The following TFAP2B variants were observed in gnomAD, a reference collection of about 807,000 sequenced individuals.
The protein encoded by TFAP2B is transcription factor AP-2 beta.
TFAP2B carries 9 observed loss-of-function variants against 44.3 expected under a neutral mutation model. That is an observed-to-expected ratio of 0.20 (90% CI 0.12 to 0.35). The LOEUF (loss-of-function observed/expected upper bound fraction) is 0.35, where lower values mean the gene tolerates loss of function less well. Among genes scored for constraint, TFAP2B ranks in the 10% least tolerant of loss-of-function variants. TFAP2B has a pLI of 1.00. For missense variants in TFAP2B, 509 were observed against 600.0 expected (o/e 0.85, Z 1.59); for synonymous variants, 270 against 263.8 (o/e 1.02, Z -0.23).
chr6:50,836,344 T>C, intron 4 of TFAP2B, 64 bp downstream of exon 4: 4 of 1,391,050 alleles, frequency 2.9e-6, no homozygotes, highest in Non-Finnish European at 3.0e-6. Context: ...CCAGTTTTTA[T>C]TTATTGGACA....
intron 3 of TFAP2B, among the ~76,000 whole-genome samples, chr6:50,830,102 C>T (rs552729592): frequency 3.9e-5 from 6 of 152,212 alleles, no homozygotes; most frequent in Non-Finnish European, 8.8e-5. Context: ...TCTCCTCTTT[C>T]GGTTAATTGC....
chr6:50,840,088 G>A, intron 5 of TFAP2B, 68 bp from the exon 6 acceptor site: 2 of 1,598,846 alleles, frequency 1.3e-6, no homozygotes, highest in South Asian at 1.1e-5. Context: ...GCTGACAAGG[G>A]AATGTCTCCG....
At chr6:50,826,337 T>C (rs1581813336) in intron 2 of TFAP2B, among the ~76,000 whole-genome samples, 2 of 152,256 alleles carry the variant, frequency 1.3e-5, no homozygotes, top group East Asian at 3.9e-4. Flanking sequence ...CTGCCCTGCC[T>C]ATGGGTCGAG....
intron 1 of TFAP2B, among the ~76,000 whole-genome samples, chr6:50,821,415 G>A (rs1391692043): frequency 6.6e-6 from 1 of 152,006 alleles, no homozygotes; most frequent in Non-Finnish European, 1.5e-5. Context: ...TTTTGTTTTT[G>A]TAATCCTCAC....
rs886061587 is a variant in TFAP2B at position 50,845,889 on chromosome 6, C to G, written c.*2497C>G. 6.6e-5 allele frequency: 10 copies of G among 152,636 alleles called. No individual in the cohort carries two copies. Among genetic ancestry groups the G allele is most frequent in the Non-Finnish European group, 1.5e-4 (10 of 68,040 alleles). The allele number at this position is 152,636 out of a possible 1,614,324, so 9.5% of individuals were successfully genotyped here. ...GGTCTCACCCTAAGGGCTAAGGCGA[C>G]CGAGAAAGCCCCATTCTCCAGTAGG... On this transcript the variant is annotated 3_prime_UTR_variant, in exon 7 of 7. Transcript: ENST00000393655.
intron 1 of TFAP2B, among the ~76,000 whole-genome samples, chr6:50,819,771 G>A (rs931923292): frequency 2.6e-5 from 4 of 152,214 alleles, no homozygotes; most frequent in African/African-American, 9.6e-5. Flanking sequence ...CGGCTCGGGC[G>A]AGGGCTGACG....
Position 50,844,688 on chromosome 6 carries a change from C to G in TFAP2B, c.*1296C>G, listed in dbSNP as rs1049670392. On this transcript the variant is annotated 3_prime_UTR_variant, in exon 7 of 7. Coordinates refer to ENST00000393655, the MANE Select transcript of TFAP2B (RefSeq NM_003221.4). ...GGAAAAGAGTAAGGATTCTTAGAGC[C>G]CTATATTCTAATAGTATTGCCCTGC... The G allele has an allele frequency of 6.6e-6, 1 of 152,492 alleles. No homozygotes were observed. The highest frequency in any genetic ancestry group is 2.4e-5 in the African/African-American group (1 of 41,394). 9.4% of individuals were successfully genotyped at this position (152,492 alleles called of 1,614,324 possible). A position where few individuals can be genotyped will look rare whatever the true frequency, so the allele number is the denominator to read the frequency against.
chr6:50,836,116 G>A lies in TFAP2B; in HGVS notation c.657G>A (p.Leu219=). 6.2e-7 allele frequency: 1 copy of A among 1,614,096 alleles called. No individual in the cohort carries two copies. The highest frequency in any genetic ancestry group is 8.5e-7 in the Non-Finnish European group (1 of 1,180,010). ...TAATGATGAATAAAGACGGCTTCCTGGGAGGCATGTCTGTCAACACCGGCG... is the reference window on the plus strand; with the variant it reads ...TAATGATGAATAAAGACGGCTTCCTAGGAGGCATGTCTGTCAACACCGGCG... ...TSLMMNKDGF[L]GGMSVNTGEV... The change falls in exon 4 of 7, where the codon CTG becomes CTA. Residue 219 remains leucine, a synonymous_variant. Transcript: ENST00000393655.
intron 6 of TFAP2B, 125 bp from the exon 7 acceptor site, chr6:50,842,967 A>G: frequency 2.3e-6 from 3 of 1,292,074 alleles, no homozygotes; most frequent in Non-Finnish European, 3.4e-6. Context: ...ACAGAGCGGA[A>G]TCGCCCACAT....
chr6:50,823,831 ACGGCCT>A lies in TFAP2B; in HGVS notation c.512_517del (p.Leu171_Gly172del). 7 of 1,565,068 alleles carry A rather than the reference ACGGCCT, an allele frequency of 4.5e-6. No homozygotes were observed. Among genetic ancestry groups the A allele is most frequent in the Non-Finnish European group, 5.2e-6 (6 of 1,155,742 alleles). ...GGCATGGGTGACAGCCTCTCGCTGC[ACGGCCT>A]CGGCCATCCCGGAATGGAAGACGTC... is the stretch of plus-strand genomic sequence containing the variant. On this transcript the variant is annotated inframe_deletion, in exon 2 of 7. Coordinates refer to ENST00000393655, the MANE Select transcript of TFAP2B (RefSeq NM_003221.4).
intron 5 of TFAP2B, among the ~76,000 whole-genome samples, chr6:50,838,909 CATTTGTATGGGTGTAAT>C (rs1249139391): frequency 4.6e-5 from 7 of 152,188 alleles, no homozygotes; most frequent in African/African-American, 1.7e-4. Context: ...GTTTTAATTC[CATTTGTATGGGTGTAAT>C]ATTATGATGC....
rs767716052 is a variant in TFAP2B at position 50,843,248 on chromosome 6, G to T, written c.1239G>T (p.Ala413=). 1 of 1,614,160 alleles carries T rather than the reference G, an allele frequency of 6.2e-7. No individual in the cohort carries two copies. Among genetic ancestry groups the T allele is most frequent in the Admixed American group, 1.7e-5 (1 of 60,022 alleles). ...HGFGAPAICA[A]LTALQNYLTE... ...TCGGCGCCCCGGCCATTTGCGCCGC[G>T]CTCACGGCCCTGCAGAACTATCTCA... The change falls in exon 7 of 7, where the codon GCG becomes GCT. Residue 413 remains alanine, a synonymous_variant. Transcript: ENST00000393655.
chr6:50,823,812 G>T lies in TFAP2B; in HGVS notation c.487G>T (p.Gly163Cys). Residue 163 changes from glycine to cysteine, a missense_variant, in exon 2 of 7, where the codon GGT becomes TGT. By Grantham distance (159) the Gly-to-Cys change is radical. Transcript: ENST00000393655. ...SAHHGLDAGM[G>C]DSLSLHGLGH... ...GCACCACGGCCTGGACGCGGGCATG[G>T]GTGACAGCCTCTCGCTGCACGGCCT... 1.9e-6 allele frequency: 3 copies of T among 1,575,594 alleles called. No individual in the cohort carries two copies. The highest frequency in any genetic ancestry group is 2.6e-6 in the Non-Finnish European group (3 of 1,160,782).
rs888673971 is a variant in TFAP2B at position 50,836,412 on chromosome 6, CGGG to C, written c.821+133_821+135del. 4.7e-6 allele frequency: 4 copies of C among 842,508 alleles called. No individual in the cohort carries two copies. In the Admixed American group the frequency reaches 8.2e-5, roughly 17 times the overall value. 52.2% of individuals were successfully genotyped at this position (842,508 alleles called of 1,614,324 possible). ...CAGTCTGACGCAGTTGCCTAGCAAC[CGGG>C]TGGCCGGAGCATTGCTTTCGCGCAG... On this transcript the variant is annotated intron_variant, in intron 4 of 6. Transcript: ENST00000393655.
intron 1 of TFAP2B, among the ~76,000 whole-genome samples, chr6:50,819,590 G>A (rs1015037020): frequency 1.3e-5 from 2 of 152,164 alleles, no homozygotes; most frequent in Non-Finnish European, 2.9e-5. Context: ...AACAGAAATC[G>A]CAGCCGCCTC....
rs1010785206 is a variant in TFAP2B, at chr6:50,846,778, C to G, written c.*3386C>G. On this transcript the variant is annotated 3_prime_UTR_variant, in exon 7 of 7. Transcript: ENST00000393655. Reference sequence around the variant, plus strand: ...GTAACTTTCTCCCCCTTTTCCCCACCACCTTCACTCCTACACCCCCAATTA... The same window carrying G: ...GTAACTTTCTCCCCCTTTTCCCCACGACCTTCACTCCTACACCCCCAATTA... 2.0e-5 allele frequency: 3 copies of G among 152,436 alleles called. No homozygotes were observed. Among genetic ancestry groups the G allele is most frequent in the South Asian group, 4.1e-4 (2 of 4,822 alleles). 9.4% of individuals were successfully genotyped at this position (152,436 alleles called of 1,614,324 possible). A position where few individuals can be genotyped will look rare whatever the true frequency, so the allele number is the denominator to read the frequency against.
intron 3 of TFAP2B, chr6:50,830,350 G>A: frequency 2.1e-6 from 2 of 970,914 alleles, no homozygotes; most frequent in Non-Finnish European, 2.4e-6. Context: ...CAGAGCTGAA[G>A]ATTTTCTTAG....
chr6:50,824,271 T>C (rs1272618697), intron 2 of TFAP2B, among the ~76,000 whole-genome samples: 3 of 152,238 alleles, frequency 2.0e-5, no homozygotes, highest in Non-Finnish European at 4.4e-5. Flanking sequence ...GCTGTCCTGC[T>C]GACTTGGCAG....
intron 3 of TFAP2B, 76 bp from the exon 4 acceptor site, chr6:50,835,985 C>G: frequency 1.7e-6 from 2 of 1,203,802 alleles, no homozygotes; most frequent in Non-Finnish European, 2.5e-6. Context: ...TGGCCTCACA[C>G]AGAGACACAT....
Sources: gnomAD v4.1 joint callset for allele counts (sites outside exome capture counted in the v4.1 genomes callset) on GRCh38, gnomAD v4.1.1 for gene constraint, MANE v1.5 for transcripts, NCBI Gene and HGNC (gene_info 2026-07-23, HGNC 2026-07-21) for gene names.